The following UMODL1 variants were observed in gnomAD, a reference collection of about 807,000 sequenced individuals.
UMODL1 encodes the protein uromodulin like 1, also known as uromodulin-like 1.
A neutral mutation model predicts 136.3 loss-of-function variants in UMODL1; 128 were observed. That is an observed-to-expected ratio of 0.94 (90% CI 0.81 to 1.09). UMODL1 has a LOEUF of 1.09. Ranked by LOEUF, UMODL1 falls within the 50% of genes least tolerant of loss-of-function variation. UMODL1 has a pLI of 0.00. For missense variants in UMODL1, 1,766 were observed against 1,725.6 expected (o/e 1.02, Z -0.41); for synonymous variants, 721 against 720.0 (o/e 1.00, Z -0.02).
rs762022257 is a variant in UMODL1, at chr21:42,123,300, AG to A, written c.3147+153del. On this transcript the variant is annotated intron_variant, in intron 17 of 22. Transcript: ENST00000408910. The surrounding 1 kb of genome is among the most constrained non-coding windows in gnomAD (Gnocchi z 4.4). ...TCAGGACAGGGTTGAGTTCTCAACC[AG>A]GGACCAGCCTGCACCCCAGAATCGG... The A allele has an allele frequency of 3.2e-6, 3 of 925,596 alleles. No homozygotes were observed. The highest frequency in any genetic ancestry group is 4.7e-6 in the Non-Finnish European group (3 of 634,822). 57.3% of individuals were successfully genotyped at this position (925,596 alleles called of 1,614,324 possible). A position where few individuals can be genotyped will look rare whatever the true frequency, so the allele number is the denominator to read the frequency against.
At chr21:42,075,005 C>T (rs2066271987) in intron 1 of UMODL1, among the ~76,000 whole-genome samples, 1 of 152,036 alleles carries the variant, frequency 6.6e-6, no homozygotes, top group African/African-American at 2.4e-5. Flanking sequence ...GGGTTCACGC[C>T]ATTCTGCCTC....
At chr21:42,094,242 A>G (rs977366467) in intron 6 of UMODL1, among the ~76,000 whole-genome samples, 10 of 152,130 alleles carry the variant, frequency 6.6e-5, no homozygotes, top group African/African-American at 2.4e-4. Flanking sequence ...AGGACACACT[A>G]ATCCAGTGTT....
upstream of UMODL1, among the ~76,000 whole-genome samples, chr21:42,069,269 A>ACACACACAC (rs1171449440): frequency 5.1e-4 from 24 of 46,604 alleles, no homozygotes; most frequent in Admixed American, 1.3e-3. Context: ...CACACACACA[A>ACACACACAC]ACAGCAGGGG....
intron 1 of UMODL1, among the ~76,000 whole-genome samples, chr21:42,063,887 C>T (rs2146400706): frequency 6.6e-6 from 1 of 152,318 alleles, no homozygotes; most frequent in South Asian, 2.1e-4. Flanking sequence ...CCCACTTCTG[C>T]CCTCTGCCCT....
At position 42,076,111 on chromosome 21, in the gene UMODL1, C is replaced by G; in HGVS notation, c.183C>G (p.Cys61Trp). Reference protein sequence around the residue: ...VQTSYTSYVSCGGWIPWRRCP... With the variant: ...VQTSYTSYVSWGGWIPWRRCP... ...CGTCCTACACGTCCTATGTGTCCTG[C>G]GGCGGCTGGATCCCCTGGAGGCGGT... The change falls in exon 2 of 23, where the codon TGC becomes TGG. Residue 61 changes from cysteine (C) to tryptophan (W), a missense_variant. Physicochemically the swap from Cys to Trp is radical, Grantham distance 215. Coordinates refer to ENST00000408910, the MANE Select transcript of UMODL1 (RefSeq NM_001004416.3). 4 of 1,614,218 alleles carry G rather than the reference C, an allele frequency of 2.5e-6. No individual in the cohort carries two copies. The highest frequency in any genetic ancestry group is 1.1e-5 in the South Asian group (1 of 91,084).
chr21:42,064,838 G>A (rs1221646734), intron 1 of UMODL1, among the ~76,000 whole-genome samples: 1 of 152,188 alleles, frequency 6.6e-6, no homozygotes, highest in African/African-American at 2.4e-5. Flanking sequence ...TTACAGGCGT[G>A]CACCAACATG....
chr21:42,114,905 A>G (rs539935362), intron 13 of UMODL1, among the ~76,000 whole-genome samples: 7 of 152,154 alleles, frequency 4.6e-5, no homozygotes, highest in Non-Finnish European at 7.4e-5. Flanking sequence ...ACCTGCTCTC[A>G]CCTGTGCACC....
intron 15 of UMODL1, 59 bp from the exon 16 acceptor site, chr21:42,121,028 C>T: frequency 1.1e-5 from 17 of 1,568,818 alleles, no homozygotes; most frequent in Non-Finnish European, 1.5e-5. Context: ...AACCAGGCTG[C>T]TGTGAGACCA....
At chr21:42,105,800 C>T (rs559848924) in intron 9 of UMODL1, among the ~76,000 whole-genome samples, 2 of 151,938 alleles carry the variant, frequency 1.3e-5, no homozygotes, top group African/African-American at 2.4e-5. Flanking sequence ...GCCTCCGGAA[C>T]GGCGGGAATA....
At chr21:42,097,993 T>A (rs953698457) in intron 6 of UMODL1, among the ~76,000 whole-genome samples, 2 of 152,082 alleles carry the variant, frequency 1.3e-5, no homozygotes, top group African/African-American at 2.4e-5. Context: ...GTTTATGGAG[T>A]GATGAGTCAG....
chr21:42,136,728 T>TTTG (rs1555935129), intron 21 of UMODL1, among the ~76,000 whole-genome samples: 1 of 151,608 alleles, frequency 6.6e-6, no homozygotes, highest in African/African-American at 2.4e-5. Context: ...TCTTTTTTTT[T>TTTG]GTTTCTTGTT....
At chr21:42,118,246 A>G (rs2066924218) in intron 14 of UMODL1, among the ~76,000 whole-genome samples, 1 of 152,246 alleles carries the variant, frequency 6.6e-6, no homozygotes, top group African/African-American at 2.4e-5. Context: ...ACAGTCATCT[A>G]CTGAGCCAAC....
chr21:42,082,922 GC>G (rs11311730), intron 2 of UMODL1, among the ~76,000 whole-genome samples: 18,378 of 52,608 alleles, frequency 0.35, 2,056 homozygotes, highest in African/African-American at 0.52. Flanking sequence ...ACCTCTATAA[GC>G]CCCTTTTTCT....
upstream of UMODL1, among the ~76,000 whole-genome samples, chr21:42,066,745 T>A (rs914080564): frequency 6.6e-6 from 1 of 152,234 alleles, no homozygotes; most frequent in Non-Finnish European, 1.5e-5. Flanking sequence ...AATGGCACTG[T>A]CAGGGCCTCT....
chr21:42,130,011 C>G (rs922911194), intron 21 of UMODL1, among the ~76,000 whole-genome samples: 2 of 152,216 alleles, frequency 1.3e-5, no homozygotes, highest in African/African-American at 2.4e-5. Flanking sequence ...ATGTAATATG[C>G]TCCTCTCAGC....
chr21:42,082,626 C>T (rs994773075), intron 2 of UMODL1, among the ~76,000 whole-genome samples: 2 of 152,190 alleles, frequency 1.3e-5, no homozygotes, highest in Non-Finnish European at 2.9e-5. Context: ...TCTGTGTCCT[C>T]CTCATGGCTG....
At chr21:42,071,215 C>T, upstream of UMODL1, 1 of 1,265,686 alleles carries the variant, frequency 7.9e-7, no homozygotes, top group Non-Finnish European at 1.0e-6. Flanking sequence ...AAGGCCGTTT[C>T]TCCAGGTCCA....
chr21:42,111,488 C>G lies in UMODL1; in HGVS notation c.1900-18C>G. 3 of 1,613,780 alleles carry G rather than the reference C, an allele frequency of 1.9e-6. No homozygotes were observed. Among genetic ancestry groups the G allele is most frequent in the Non-Finnish European group, 2.5e-6 (3 of 1,179,768 alleles). On this transcript the variant is annotated intron_variant, in intron 11 of 22. Transcript: ENST00000408910. ...CCCTCCTGGGGCCACAGATGGCCCA[C>G]TGGCCCTCCCTGGACAGCTACAGGG...
chr21:42,111,778 G>A, intron 12 of UMODL1, 68 bp downstream of exon 12: 1 of 1,440,516 alleles, frequency 6.9e-7, no homozygotes, highest in Non-Finnish European at 9.3e-7. Flanking sequence ...AGCCTCTGGG[G>A]CAAAGCTCCT....
Sources: allele counts gnomAD v4.1 joint callset (sites outside exome capture counted in the v4.1 genomes callset), GRCh38; gene constraint gnomAD v4.1.1; non-coding constraint Gnocchi (gnomAD v3.1); transcripts MANE v1.5; gene names NCBI Gene and HGNC (gene_info 2026-07-23, HGNC 2026-07-21).